CCDC73: variants seen among roughly 807,000 people sequenced by gnomAD.
CCDC73 encodes the protein coiled-coil domain containing 73.
Under a neutral mutation model 116.5 loss-of-function variants are expected in CCDC73, and 95 were observed. That is an observed-to-expected ratio of 0.82 (90% CI 0.69 to 0.97). The LOEUF (loss-of-function observed/expected upper bound fraction) is 0.97. Ranked by LOEUF, CCDC73 falls within the 50% of genes least tolerant of loss-of-function variation. The pLI, the probability that CCDC73 is intolerant of heterozygous loss-of-function variation, is 0.00. For missense variants in CCDC73, 1,066 were observed against 1,206.8 expected, an observed-to-expected ratio of 0.88 and a Z score of 1.73; for synonymous variants, 398 against 401.3, an observed-to-expected ratio of 0.99 and a Z score of 0.10.
intron 14 of CCDC73, among the ~76,000 whole-genome samples, chr11:32,629,878 C>G (rs1331459064): frequency 7.4e-6 from 1 of 134,446 alleles, no homozygotes. Context: ...AATAAACCAC[C>G]TTTTCAGACA....
intron 9 of CCDC73, among the ~76,000 whole-genome samples, chr11:32,660,674 A>G (rs770237915): frequency 1.1e-4 from 17 of 151,902 alleles, no homozygotes; most frequent in Non-Finnish European, 1.8e-4. Context: ...AAAAACAAAA[A>G]TTAGTCAGGC....
rs189789422 is a variant in CCDC73, at chr11:32,686,400, G to A, written c.391-2826C>T. On this transcript the variant is annotated intron_variant, in intron 6 of 17. Coordinates refer to ENST00000335185, the MANE Select transcript of CCDC73 (RefSeq NM_001008391.4). ...ATAGTTAATGTAGGATGGATTAGGG[G>A]TTAGGAGATGTACATTTAGAAGTCT... Among the ~76,000 whole-genome samples, 1,059 of 151,000 alleles carry A rather than the reference G, an allele frequency of 7.0e-3. 11 individuals carry two copies. The highest frequency in any genetic ancestry group is 0.024 in the African/African-American group (990 of 41,078).
intron 3 of CCDC73, among the ~76,000 whole-genome samples, chr11:32,703,807 G>A (rs554998406): frequency 1.7e-4 from 26 of 151,936 alleles, no homozygotes; most frequent in Non-Finnish European, 2.4e-4. Context: ...GAAGTTGCAC[G>A]TTCTGTTCTT....
Position 32,611,203 on chromosome 11 carries a change from T to C in CCDC73, c.2959A>G (p.Lys987Glu), listed in dbSNP as rs201709389. Residue 987 changes from lysine (K) to glutamate (E), a missense_variant, in exon 17 of 18, where the codon AAG (lysine) becomes GAG (glutamate). Transcript: ENST00000335185. The stretch of plus-strand genomic sequence containing the variant: ...TTCTTCTCTTCACTGGGTTCTCCCT[T>C]GGGATCTGGATGGATACTCCAGTTA... ...LNNWSIHPDP[K>E]GEPSEEKNAM... 3.7e-6 allele frequency: 6 copies of C among 1,613,558 alleles called. No homozygotes were observed. The highest frequency in any genetic ancestry group is 5.1e-6 in the Non-Finnish European group (6 of 1,179,584).
intron 9 of CCDC73, among the ~76,000 whole-genome samples, chr11:32,668,947 A>G (rs1856011733): frequency 6.6e-6 from 1 of 152,214 alleles, no homozygotes; most frequent in Admixed American, 6.5e-5. Flanking sequence ...GTTCAGATGC[A>G]AGTACACAGT....
rs1198472843 is a variant in CCDC73 at position 32,715,202 on chromosome 11, T to C, written c.207+2874A>G. ...TTATTAACCATGATGGTTTCAAAGG[T>C]CCTTATCCTTAATATTGCTCCCTAC... On this transcript the variant is annotated intron_variant, in intron 3 of 17. Coordinates refer to ENST00000335185, the MANE Select transcript of CCDC73 (RefSeq NM_001008391.4). 2.0e-5 allele frequency among the ~76,000 whole-genome samples: 3 copies of C among 152,114 alleles called. No homozygotes were observed. The East Asian group carries it at 5.8e-4, about 29-fold the overall frequency.
intron 1 of CCDC73, among the ~76,000 whole-genome samples, chr11:32,764,191 A>C (rs1850419455): frequency 6.6e-6 from 1 of 152,260 alleles, no homozygotes; most frequent in Admixed American, 6.5e-5. Flanking sequence ...AACACACTTC[A>C]GGATATTATC....
intron 2 of CCDC73, among the ~76,000 whole-genome samples, chr11:32,723,019 G>T (rs1850003047): frequency 6.6e-6 from 1 of 152,174 alleles, no homozygotes; most frequent in Non-Finnish European, 1.5e-5. Context: ...ACCTTGAAGA[G>T]ATTGTGGATG....
At position 32,635,736 on chromosome 11, in the gene CCDC73, A is replaced by G. The variant is rs1335984349; in HGVS notation, c.1145T>C (p.Leu382Ser). The change falls in exon 14 of 18, where the codon TTA (leucine) becomes TCA (serine). Residue 382 changes from leucine to serine, a missense_variant. By Grantham distance (145) the Leu-to-Ser change is moderately radical (BLOSUM62 -2). Transcript: ENST00000335185. ...TTCCTCAAATGTTTTTTGATTGCAT[A>G]ATTTGTTATAATGTTCTTGTAACTT... ...HIKLQEHYNK[L>S]CNQKTFEEDK... The G allele has an allele frequency of 1.5e-6, 2 of 1,303,434 alleles. No individual in the cohort carries two copies. The highest frequency in any genetic ancestry group is 2.0e-6 in the Non-Finnish European group (2 of 1,007,120). The allele number at this position is 1,303,434 out of a possible 1,614,324, so 80.7% of individuals were successfully genotyped here.
At chr11:32,717,371 C>G (rs1168390594) in intron 3 of CCDC73, among the ~76,000 whole-genome samples, 2 of 151,988 alleles carry the variant, frequency 1.3e-5, no homozygotes, top group Non-Finnish European at 2.9e-5. Flanking sequence ...GTAATAACAC[C>G]CTGGAAAAAT....
intron 2 of CCDC73, among the ~76,000 whole-genome samples, chr11:32,743,156 T>C (rs1034214241): frequency 2.0e-5 from 3 of 152,224 alleles, no homozygotes; most frequent in Admixed American, 6.5e-5. Flanking sequence ...TTTGGTTCCA[T>C]ATGAACTTTA....
intron 17 of CCDC73, among the ~76,000 whole-genome samples, chr11:32,609,767 G>A (rs1855396337): frequency 6.6e-6 from 1 of 152,052 alleles, no homozygotes; most frequent in African/African-American, 2.4e-5. Context: ...TAATCATGGT[G>A]GAAGGCAAAG....
At chr11:32,748,907 C>T (rs1454529957) in intron 2 of CCDC73, among the ~76,000 whole-genome samples, 1 of 152,138 alleles carries the variant, frequency 6.6e-6, no homozygotes, top group Non-Finnish European at 1.5e-5. Context: ...AAGTCTGCTG[C>T]CAGATGTATT....
chr11:32,801,326 T>A, the CCDC73 span, among the ~76,000 whole-genome samples: 4 of 152,110 alleles, frequency 2.6e-5, no homozygotes, highest in Non-Finnish European at 4.4e-5. Flanking sequence ...TCTTCCCCAA[T>A]CCACATGGTG....
At chr11:32,784,972 G>A (rs991552013) in intron 1 of CCDC73, among the ~76,000 whole-genome samples, 5 of 152,108 alleles carry the variant, frequency 3.3e-5, no homozygotes, top group African/African-American at 9.7e-5. Context: ...TCAGGAGTTC[G>A]AGACCAGCCT....
intron 9 of CCDC73, among the ~76,000 whole-genome samples, chr11:32,674,357 CAG>C (rs1159336859): frequency 6.6e-6 from 1 of 152,056 alleles, no homozygotes; most frequent in Admixed American, 6.6e-5. Context: ...AAAAGGAAAA[CAG>C]ATATCATTCT....
At chr11:32,611,460 A>T (rs1855421724) in intron 16 of CCDC73, among the ~76,000 whole-genome samples, 195 bp from the exon 17 acceptor site, 1 of 152,234 alleles carries the variant, frequency 6.6e-6, no homozygotes, top group Non-Finnish European at 1.5e-5. Flanking sequence ...ACAAGATTTT[A>T]TTATTGCTAC....
At chr11:32,634,199 C>A (rs541168730) in intron 14 of CCDC73, among the ~76,000 whole-genome samples, 5 of 152,026 alleles carry the variant, frequency 3.3e-5, no homozygotes, top group Non-Finnish European at 7.4e-5. Flanking sequence ...GACGCAAAAA[C>A]CAGTTCAAAT....
In CCDC73 at chr11:32,616,128, T is replaced by C. The variant is rs1452568834; in HGVS notation, c.1187A>G (p.Asn396Ser). The change falls in exon 15 of 18, where the codon AAT (asparagine) becomes AGT (serine). Residue 396 changes from asparagine (N) to serine (S), a missense_variant and splice_region_variant. Transcript: ENST00000335185. ...KTFEEDKKFQ[N>S]VPEVNNENSE... ...GTTTTCATTATTTACTTCTGGAACA[T>C]TCTAGTGTAAAATGGAAGAGATTCT... The C allele has an allele frequency of 2.7e-5, 43 of 1,564,780 alleles. No homozygotes were observed. The highest frequency in any genetic ancestry group is 3.6e-5 in the Non-Finnish European group (42 of 1,162,810).
Sources: allele counts gnomAD v4.1 joint callset (sites outside exome capture counted in the v4.1 genomes callset), GRCh38; gene constraint gnomAD v4.1.1; transcripts MANE v1.5; gene names NCBI Gene and HGNC (gene_info 2026-07-23, HGNC 2026-07-21).